The following SH3GLB1 variants were observed in gnomAD, a reference collection of about 807,000 sequenced individuals.
SH3GLB1 encodes endophilin-B1.
A neutral mutation model predicts 42.0 loss-of-function variants in SH3GLB1; 17 were observed. The observed-to-expected ratio is 0.40, with a 90% CI of 0.28 to 0.61. The LOEUF (loss-of-function observed/expected upper bound fraction) is 0.61. SH3GLB1 is among the 20% of genes least tolerant of loss of function. The pLI, the probability that SH3GLB1 is intolerant of heterozygous loss-of-function variation, is 0.36. For missense variants in SH3GLB1, 355 were observed against 426.3 expected, an observed-to-expected ratio of 0.83 and a Z score of 1.47; for synonymous variants, 132 against 146.6, an observed-to-expected ratio of 0.90 and a Z score of 0.72.
intron 1 of SH3GLB1, among the ~76,000 whole-genome samples, chr1:86,708,425 A>T (rs1249410901): frequency 6.6e-6 from 1 of 152,244 alleles, no homozygotes; most frequent in African/African-American, 2.4e-5. Context: ...GGCCAACGCC[A>T]TACATTGTTT....
At chr1:86,728,115 G>C (rs1019808511) in intron 5 of SH3GLB1, among the ~76,000 whole-genome samples, 2 of 151,910 alleles carry the variant, frequency 1.3e-5, no homozygotes, top group Non-Finnish European at 2.9e-5. Flanking sequence ...AATAAAAATT[G>C]TAGGTAACTG....
At position 86,742,554 on chromosome 1, in the gene SH3GLB1, G is replaced by A. The variant is rs1570304155; in HGVS notation, c.990+118G>A. 10 of 595,820 alleles carry A rather than the reference G, an allele frequency of 1.7e-5. 1 individual carries two copies. The highest frequency in any genetic ancestry group is 1.5e-4 in the East Asian group (5 of 32,970). 36.9% of individuals were successfully genotyped at this position (595,820 alleles called of 1,614,324 possible). A position where few individuals can be genotyped will look rare whatever the true frequency, so the allele number is the denominator to read the frequency against. ...GAAATGGTTTCATAGATTACAGATA[G>A]TTATATTAACATAAAATTTTAATTA... On this transcript the variant is annotated intron_variant, in intron 8 of 8. Coordinates refer to ENST00000370558, the MANE Select transcript of SH3GLB1 (RefSeq NM_016009.5).
At chr1:86,717,991 G>A (rs899785450) in intron 2 of SH3GLB1, among the ~76,000 whole-genome samples, 2 of 151,502 alleles carry the variant, frequency 1.3e-5, no homozygotes, top group Non-Finnish European at 2.9e-5. Flanking sequence ...CTTTTGGCCA[G>A]ATAGGTGGAA....
chr1:86,710,348 T>G (rs1422191781), intron 1 of SH3GLB1, among the ~76,000 whole-genome samples: 1 of 151,836 alleles, frequency 6.6e-6, no homozygotes, highest in East Asian at 1.9e-4. Context: ...CACCGCAATC[T>G]CCGTTTCCCA....
intron 5 of SH3GLB1, chr1:86,730,063 T>C: frequency 1.3e-6 from 2 of 1,579,634 alleles, no homozygotes; most frequent in Non-Finnish European, 1.7e-6. Context: ...CTTTATATTT[T>C]TCTCTAATTT....
In SH3GLB1 at chr1:86,704,752, A is replaced by C. The variant is rs1164784351; in HGVS notation, c.-148A>C. The C allele has an allele frequency of 6.0e-6, 3 of 496,796 alleles. No individual in the cohort carries two copies. Among genetic ancestry groups the C allele is most frequent in the Non-Finnish European group, 1.1e-5 (3 of 283,670 alleles). The allele number at this position is 496,796 out of a possible 1,614,324, so 30.8% of individuals were successfully genotyped here. A position where few individuals can be genotyped will look rare whatever the true frequency, so the allele number is the denominator to read the frequency against. On this transcript the variant is annotated 5_prime_UTR_variant, in exon 1 of 9. Coordinates refer to ENST00000370558, the MANE Select transcript of SH3GLB1 (RefSeq NM_016009.5). ...CCGCCTTCATCCTCCCCGTTCACGG[A>C]AACGACAGCTGCGGCTGCGGGGCTG...
chr1:86,716,775 T>A (rs756564954), intron 2 of SH3GLB1, among the ~76,000 whole-genome samples: 15 of 152,190 alleles, frequency 9.9e-5, no homozygotes, highest in Non-Finnish European at 1.6e-4. Flanking sequence ...GAACCGGGTG[T>A]ATGAACATCC....
intron 5 of SH3GLB1, among the ~76,000 whole-genome samples, chr1:86,725,224 A>G (rs34389199): frequency 0.33 from 49,625 of 151,358 alleles, 10,651 homozygotes; most frequent in African/African-American, 0.62. Flanking sequence ...CTTTCCACAC[A>G]CTGCTCAAAC....
intron 1 of SH3GLB1, among the ~76,000 whole-genome samples, chr1:86,709,557 CTTTA>C (rs1019015789): frequency 4.6e-5 from 7 of 152,248 alleles, no homozygotes; most frequent in African/African-American, 1.7e-4. Flanking sequence ...TTGTGAATAA[CTTTA>C]TTTGATAAAT....
chr1:86,726,853 G>A lies in SH3GLB1; in HGVS notation c.570+2448G>A, dbSNP rs558652510. Among the ~76,000 whole-genome samples, 8 of 151,988 alleles carry A rather than the reference G, an allele frequency of 5.3e-5. No homozygotes were observed. In the South Asian group the frequency reaches 1.7e-3, roughly 31 times the overall value. On this transcript the variant is annotated intron_variant, in intron 5 of 8. Coordinates refer to ENST00000370558, the MANE Select transcript of SH3GLB1 (RefSeq NM_016009.5). ...TTTGCATTTACTTGAAGAATCACTA[G>A]GAGTTTGCTTTTTTTTTCCTTTCTT... is the stretch of plus-strand genomic sequence containing the variant.
At position 86,734,515 on chromosome 1, in the gene SH3GLB1, G is replaced by A. The variant is rs1441640379; in HGVS notation, c.571-87G>A. On this transcript the variant is annotated intron_variant, in intron 5 of 8. Coordinates refer to ENST00000370558, the MANE Select transcript of SH3GLB1 (RefSeq NM_016009.5). ...CAGATTATAACTTGAGGTTTGTTCG[G>A]GGGATTTTTTTTAACCATCTAAAAT... The A allele has an allele frequency of 5.4e-6, 5 of 930,120 alleles. No individual in the cohort carries two copies. The African/African-American group carries it at 8.4e-5, about 16-fold the overall frequency. 57.6% of individuals were successfully genotyped at this position (930,120 alleles called of 1,614,324 possible). A position where few individuals can be genotyped will look rare whatever the true frequency, so the allele number is the denominator to read the frequency against.
intron 5 of SH3GLB1, among the ~76,000 whole-genome samples, chr1:86,730,724 ACTC>A (rs1398589168): frequency 5.9e-5 from 9 of 151,976 alleles, no homozygotes; most frequent in Non-Finnish European, 1.2e-4. Flanking sequence ...CTGGTCTCGA[ACTC>A]CTGAACTCAG....
intron 5 of SH3GLB1, chr1:86,728,526 A>C (rs1239361765): frequency 7.7e-7 from 1 of 1,292,306 alleles, no homozygotes; most frequent in East Asian, 2.7e-5. Flanking sequence ...ATCTTGAATA[A>C]AGTGCCTTCT....
chr1:86,736,256 A>G (rs906663668), intron 7 of SH3GLB1, among the ~76,000 whole-genome samples: 4 of 152,158 alleles, frequency 2.6e-5, no homozygotes, highest in Non-Finnish European at 4.4e-5. Context: ...CAGGGGAGCG[A>G]TATGTAGCAT....
At chr1:86,722,849 C>G (rs1024495475) in intron 4 of SH3GLB1, among the ~76,000 whole-genome samples, 176 bp downstream of exon 4, 2 of 152,132 alleles carry the variant, frequency 1.3e-5, no homozygotes, top group Admixed American at 6.5e-5. Flanking sequence ...GACTACTGAA[C>G]ATTTACTCCA....
At chr1:86,740,509 G>T (rs1656006251) in intron 7 of SH3GLB1, among the ~76,000 whole-genome samples, 1 of 152,226 alleles carries the variant, frequency 6.6e-6, no homozygotes, top group South Asian at 2.1e-4. Flanking sequence ...ATATCTAAGA[G>T]TTATTATAAT....
In SH3GLB1 at chr1:86,715,223, T is replaced by A. The variant is rs566219200; in HGVS notation, c.73-501T>A. 1.1e-4 allele frequency among the ~76,000 whole-genome samples: 16 copies of A among 152,336 alleles called. No homozygotes were observed. In the East Asian group the frequency reaches 2.9e-3, roughly 28 times the overall value. On this transcript the variant is annotated intron_variant, in intron 1 of 8. Transcript: ENST00000370558. ...AAGGCACCAAACAAAGTGATTTGCA[T>A]ACACAATCATACTTAATCCCCCAAA...
At chr1:86,715,483 A>G (rs574125633) in intron 1 of SH3GLB1, among the ~76,000 whole-genome samples, 26 of 152,298 alleles carry the variant, frequency 1.7e-4, no homozygotes, top group African/African-American at 5.8e-4. Context: ...AATTCACACC[A>G]TACATTTTAG....
At chr1:86,727,045 C>G (rs1655237954) in intron 5 of SH3GLB1, among the ~76,000 whole-genome samples, 1 of 151,890 alleles carries the variant, frequency 6.6e-6, no homozygotes, top group South Asian at 2.1e-4. Context: ...AATTTACTTA[C>G]TAGTTTCTTG....
Sources: allele counts gnomAD v4.1 joint callset (sites outside exome capture counted in the v4.1 genomes callset), GRCh38; gene constraint gnomAD v4.1.1; transcripts MANE v1.5; gene names NCBI Gene and HGNC (gene_info 2026-07-23, HGNC 2026-07-21).